Variants in DLG2 observed in about 807,000 individuals in gnomAD.
DLG2 encodes disks large homolog 2.
In DLG2, 45 loss-of-function variants were observed where a neutral mutation model predicts 132.5. The observed-to-expected ratio is 0.34, with a 90% confidence interval of 0.27 to 0.44. The LOEUF is 0.44. DLG2 is among the 20% of genes least tolerant of loss of function. The pLI, the probability that DLG2 is intolerant of heterozygous loss-of-function variation, is 1.00. For missense variants in DLG2, 1,045 were observed against 1,196.9 expected, an observed-to-expected ratio of 0.87 and a Z score of 1.87; for synonymous variants, 424 against 419.6, an observed-to-expected ratio of 1.01 and a Z score of -0.13.
At chr11:84,594,271 C>T (rs1565400893) in intron 6 of DLG2, among the ~76,000 whole-genome samples, 1 of 152,166 alleles carries the variant, frequency 6.6e-6, no homozygotes, top group Non-Finnish European at 1.5e-5. Context: ...TTTCTCAAGC[C>T]TCTCTTCTCC....
At chr11:83,623,708 T>C (rs189452996) in intron 19 of DLG2, among the ~76,000 whole-genome samples, 1 of 152,346 alleles carries the variant, frequency 6.6e-6, no homozygotes, top group Non-Finnish European at 1.5e-5. Flanking sequence ...TATTTAAAGT[T>C]AATTTAAAGA....
chr11:84,691,436 GA>G (rs1325032162), intron 6 of DLG2, among the ~76,000 whole-genome samples: 1 of 151,490 alleles, frequency 6.6e-6, no homozygotes, highest in Non-Finnish European at 1.5e-5. Flanking sequence ...TTAAATAAAT[GA>G]AAAATCAGTA....
At chr11:84,984,106 C>T (rs937322907) in intron 6 of DLG2, among the ~76,000 whole-genome samples, 1 of 152,146 alleles carries the variant, frequency 6.6e-6, no homozygotes, top group Non-Finnish European at 1.5e-5. Flanking sequence ...TTAAGTAAAA[C>T]TTCCCTGGCC....
intron 7 of DLG2, among the ~76,000 whole-genome samples, chr11:84,381,404 G>C (rs2098748796): frequency 6.6e-6 from 1 of 151,950 alleles, no homozygotes; most frequent in African/African-American, 2.4e-5. Flanking sequence ...CTAAAATTAG[G>C]CAATCTCATT....
chr11:84,403,102 A>G, intron 7 of DLG2, among the ~76,000 whole-genome samples: 1 of 151,986 alleles, frequency 6.6e-6, no homozygotes, highest in East Asian at 1.9e-4. Flanking sequence ...CATTTCCAGA[A>G]GATATCCTCT....
At chr11:83,709,805 C>T (rs930674763) in intron 18 of DLG2, among the ~76,000 whole-genome samples, 4 of 152,168 alleles carry the variant, frequency 2.6e-5, no homozygotes, top group African/African-American at 9.7e-5. Context: ...GGCACTTGAC[C>T]TTCCTGGTTA....
At chr11:85,115,240 T>G (rs2073400401) in intron 5 of DLG2, among the ~76,000 whole-genome samples, 1 of 151,956 alleles carries the variant, frequency 6.6e-6, no homozygotes, top group South Asian at 2.1e-4. Flanking sequence ...CTAAAAAATT[T>G]AAATAATCCT....
chr11:83,754,819 T>C (rs2093583175), intron 18 of DLG2, among the ~76,000 whole-genome samples: 1 of 151,438 alleles, frequency 6.6e-6, no homozygotes, highest in South Asian at 2.1e-4. Flanking sequence ...AGAAACAATA[T>C]TGGCAAAGAT....
At chr11:85,569,024 CTTTT>C (rs1411929933) in intron 3 of DLG2, among the ~76,000 whole-genome samples, 3 of 151,904 alleles carry the variant, frequency 2.0e-5, no homozygotes, top group Admixed American at 2.0e-4. Flanking sequence ...ATTCTTCTTT[CTTTT>C]TTGTTTGTTT....
intron 11 of DLG2, among the ~76,000 whole-genome samples, chr11:84,040,317 A>T (rs1421559363): frequency 2.0e-5 from 3 of 151,990 alleles, no homozygotes; most frequent in African/African-American, 7.2e-5. Context: ...CTGAATGGTA[A>T]TGCCTAGGTT....
intron 11 of DLG2, among the ~76,000 whole-genome samples, chr11:84,000,485 C>T (rs887269609): frequency 6.6e-6 from 1 of 151,930 alleles, no homozygotes; most frequent in Non-Finnish European, 1.5e-5. Flanking sequence ...CCAAGTCTAG[C>T]AAGATAATTA....
intron 7 of DLG2, among the ~76,000 whole-genome samples, chr11:84,451,726 C>T (rs1943527): frequency 0.19 from 29,422 of 151,594 alleles, 8,255 homozygotes; most frequent in African/African-American, 0.62. Flanking sequence ...CATTGTATTG[C>T]AGAAAAGAGA....
At chr11:84,972,860 G>A (rs2054293782) in intron 6 of DLG2, among the ~76,000 whole-genome samples, 1 of 151,994 alleles carries the variant, frequency 6.6e-6, no homozygotes, top group African/African-American at 2.4e-5. Flanking sequence ...TGCAGACTTA[G>A]CAGGCAGACT....
intron 4 of DLG2, among the ~76,000 whole-genome samples, chr11:85,195,389 C>T (rs1449557355): frequency 2.0e-5 from 3 of 152,010 alleles, no homozygotes; most frequent in Admixed American, 2.0e-4. Flanking sequence ...AGGCCCTACC[C>T]CTGTGGAATT....
chr11:84,958,713 C>T (rs578220877), intron 6 of DLG2, among the ~76,000 whole-genome samples: 1 of 152,238 alleles, frequency 6.6e-6, no homozygotes, highest in African/African-American at 2.4e-5. Context: ...TGCTCGCTGT[C>T]CAATCCAAGC....
chr11:85,337,913 T>C (rs2082238859), intron 3 of DLG2, among the ~76,000 whole-genome samples: 1 of 152,208 alleles, frequency 6.6e-6, no homozygotes, highest in African/African-American at 2.4e-5. Context: ...AATGTAATCA[T>C]TAAAGTTAAA....
At chr11:84,397,154 C>A (rs1396530265) in intron 7 of DLG2, among the ~76,000 whole-genome samples, 1 of 152,002 alleles carries the variant, frequency 6.6e-6, no homozygotes, top group African/African-American at 2.4e-5. Context: ...AAAAAGACCT[C>A]AAGGAGGATA....
chr11:84,541,819 C>T (rs2099372815), intron 6 of DLG2, among the ~76,000 whole-genome samples: 1 of 152,150 alleles, frequency 6.6e-6, no homozygotes, highest in Non-Finnish European at 1.5e-5. Context: ...CCCCCCTACA[C>T]AGACAGAAAA....
At chr11:84,604,060 C>A (rs940517212) in intron 6 of DLG2, among the ~76,000 whole-genome samples, 1 of 151,882 alleles carries the variant, frequency 6.6e-6, no homozygotes, top group Non-Finnish European at 1.5e-5. Flanking sequence ...ACTAATTTAT[C>A]CTTAAATTGT....
Sources: gnomAD v4.1 joint callset for allele counts (sites outside exome capture counted in the v4.1 genomes callset) on GRCh38, gnomAD v4.1.1 for gene constraint, MANE v1.5 for transcripts, NCBI Gene and HGNC (gene_info 2026-07-23, HGNC 2026-07-21) for gene names.